FHL2: variants seen among roughly 807,000 people sequenced by gnomAD.
FHL2 encodes four and a half LIM domains protein 2.
FHL2 carries 20 observed loss-of-function variants against 32.7 expected under a neutral mutation model. The observed-to-expected ratio is 0.61, with a 90% CI of 0.43 to 0.89. FHL2 has a LOEUF of 0.89. Among genes scored for constraint, FHL2 ranks in the 40% least tolerant of loss-of-function variants. The pLI is 0.00. For missense variants in FHL2, 311 were observed against 358.6 expected (o/e 0.87, Z 1.07); for synonymous variants, 123 against 128.1 (o/e 0.96, Z 0.27).
At chr2:105,425,545 C>G (rs1684236086) in intron 1 of FHL2, among the ~76,000 whole-genome samples, 1 of 151,384 alleles carries the variant, frequency 6.6e-6, no homozygotes, top group Non-Finnish European at 1.5e-5. Context: ...AGGAAGGCCA[C>G]TGTCTCCTGC....
chr2:105,398,727 C>CT, intron 1 of FHL2, 115 bp downstream of exon 1: 1 of 833,966 alleles, frequency 1.2e-6, no homozygotes, highest in Non-Finnish European at 1.7e-6. Flanking sequence ...GGGTTCGGCT[C>CT]TCCTCTCCCG....
intron 2 of FHL2, among the ~76,000 whole-genome samples, chr2:105,392,457 G>A (rs1682797502): frequency 6.6e-6 from 1 of 151,906 alleles, no homozygotes; most frequent in African/African-American, 2.4e-5. Flanking sequence ...CAAGGAAACA[G>A]CCTCATGGTG....
chr2:105,430,987 G>C (rs570542336), intron 1 of FHL2, among the ~76,000 whole-genome samples: 180 of 152,214 alleles, frequency 1.2e-3, no homozygotes, highest in African/African-American at 4.2e-3. Context: ...TTGATCTTTG[G>C]GTCTTCCTTT....
rs1381182173 is a variant in FHL2, at chr2:105,385,857, A to T, written c.156+504T>A. 3.5e-5 allele frequency: 6 copies of T among 171,300 alleles called. No individual in the cohort carries two copies. In the East Asian group the frequency reaches 9.7e-4, roughly 28 times the overall value. 10.6% of individuals were successfully genotyped at this position (171,300 alleles called of 1,614,324 possible). Reference sequence around the variant, plus strand: ...TCCCCATTGAAAGGAAACAATACAAATCCTGTCCTTCTCTCATTAAAGGAA... The same window carrying T: ...TCCCCATTGAAAGGAAACAATACAATTCCTGTCCTTCTCTCATTAAAGGAA... On this transcript the variant is annotated intron_variant, in intron 3 of 6. Coordinates refer to ENST00000530340, the MANE Select transcript of FHL2 (RefSeq NM_001318895.3).
intron 1 of FHL2, among the ~76,000 whole-genome samples, chr2:105,408,360 C>T (rs549431911): frequency 1.3e-5 from 2 of 152,310 alleles, no homozygotes; most frequent in East Asian, 3.9e-4. Context: ...CATCCAAACC[C>T]ACAGAGATGA....
At chr2:105,421,152 C>A (rs1317996748) in intron 1 of FHL2, among the ~76,000 whole-genome samples, 1 of 152,218 alleles carries the variant, frequency 6.6e-6, no homozygotes, top group Non-Finnish European at 1.5e-5. Context: ...GAAGGTAATC[C>A]AATGGGAAGA....
At chr2:105,419,154 C>T (rs1008094120) in intron 1 of FHL2, among the ~76,000 whole-genome samples, 1 of 152,138 alleles carries the variant, frequency 6.6e-6, no homozygotes, top group Non-Finnish European at 1.5e-5. Context: ...TCAAAATATG[C>T]CAAACCAAAA....
At chr2:105,396,729 G>C in intron 1 of FHL2, 32 bp from the exon 2 acceptor site, 1 of 1,608,680 alleles carries the variant, frequency 6.2e-7, no homozygotes, top group Middle Eastern at 1.7e-4. Flanking sequence ...TGTTTCAGAT[G>C]GTCATCTTGA....
chr2:105,362,983 T>C, intron 6 of FHL2: 1 of 336,926 alleles, frequency 3.0e-6, no homozygotes, highest in South Asian at 4.6e-5. Flanking sequence ...TTATTGTGCT[T>C]TTGTGATGTC....
chr2:105,438,435 C>T (rs963652803), exon 1 of FHL2: 1 of 985,530 alleles, frequency 1.0e-6, no homozygotes, highest in Non-Finnish European at 1.2e-6. Context: ...TCCTCCAGCC[C>T]GATGAGCAGG....
chr2:105,430,224 G>A (rs372965165), intron 1 of FHL2, among the ~76,000 whole-genome samples: 11 of 152,314 alleles, frequency 7.2e-5, no homozygotes, highest in Non-Finnish European at 1.0e-4. Flanking sequence ...AAAGTGTGGC[G>A]CTGTGGCTTG....
At chr2:105,364,300 A>T (rs928443385) in intron 5 of FHL2, among the ~76,000 whole-genome samples, 3 of 152,124 alleles carry the variant, frequency 2.0e-5, no homozygotes, top group African/African-American at 7.2e-5. Context: ...GCAAGTGGTA[A>T]CCTCTCCAAT....
chr2:105,383,921 T>C (rs940133077), intron 3 of FHL2, among the ~76,000 whole-genome samples: 2 of 152,194 alleles, frequency 1.3e-5, no homozygotes, highest in Admixed American at 6.5e-5. Context: ...TCTCAAAACA[T>C]TAATCCGGGT....
chr2:105,364,566 C>T (rs1680501634), intron 5 of FHL2, among the ~76,000 whole-genome samples: 1 of 152,194 alleles, frequency 6.6e-6, no homozygotes, highest in East Asian at 1.9e-4. Context: ...CCAAATGTTG[C>T]ATCTCACATT....
chr2:105,358,984 C>T (rs948884727), downstream of FHL2: 7 of 152,182 alleles, frequency 4.6e-5, no homozygotes, highest in African/African-American at 1.7e-4. Context: ...AGTTTTAGAT[C>T]CCTGGCGGGG....
chr2:105,363,260 G>C, intron 6 of FHL2, 25 bp downstream of exon 6: 1 of 1,612,052 alleles, frequency 6.2e-7, no homozygotes, highest in Non-Finnish European at 8.5e-7. Flanking sequence ...ATCGCCCCTG[G>C]AAATGGGAAC....
intron 1 of FHL2, among the ~76,000 whole-genome samples, chr2:105,420,741 A>T (rs1558730752): frequency 6.6e-6 from 1 of 152,130 alleles, no homozygotes; most frequent in Non-Finnish European, 1.5e-5. Context: ...TCAGATAATC[A>T]GGCATTAGAT....
chr2:105,401,718 G>A (rs768621464), upstream of FHL2, among the ~76,000 whole-genome samples: 14 of 152,046 alleles, frequency 9.2e-5, no homozygotes, highest in South Asian at 4.2e-4. Flanking sequence ...AAATGAACGA[G>A]GTAACTATAT....
intron 5 of FHL2, among the ~76,000 whole-genome samples, chr2:105,364,579 A>G (rs527349649): frequency 7.2e-5 from 11 of 152,240 alleles, no homozygotes; most frequent in Non-Finnish European, 5.9e-5. Context: ...CTCACATTCT[A>G]TTTAAAAATG....
Sources: allele counts gnomAD v4.1 joint callset (sites outside exome capture counted in the v4.1 genomes callset), GRCh38; gene constraint gnomAD v4.1.1; transcripts MANE v1.5; gene names NCBI Gene and HGNC (gene_info 2026-07-23, HGNC 2026-07-21).